The following NAV2 variants were observed in gnomAD, a reference collection of about 807,000 sequenced individuals.
NAV2 encodes neuron navigator 2.
Under a neutral mutation model 223.2 loss-of-function variants are expected in NAV2, and 54 were observed. The observed-to-expected ratio is 0.24, with a 90% CI of 0.19 to 0.30. NAV2 has a LOEUF of 0.30. NAV2 is among the 10% of genes least tolerant of loss of function. NAV2 has a pLI of 1.00. For missense variants in NAV2, 2,806 were observed against 3,147.5 expected (o/e 0.89, Z 2.60); for synonymous variants, 1,279 against 1,239.3 (o/e 1.03, Z -0.67).
chr11:19,847,186 C>T (rs1360806813), intron 3 of NAV2, among the ~76,000 whole-genome samples: 1 of 152,168 alleles, frequency 6.6e-6, no homozygotes, highest in Non-Finnish European at 1.5e-5. Context: ...CCCTGCTTCC[C>T]AATTTGAACT....
intron 22 of NAV2, among the ~76,000 whole-genome samples, chr11:20,074,327 T>C (rs2048085334): frequency 6.6e-6 from 1 of 152,204 alleles, no homozygotes; most frequent in Admixed American, 6.5e-5. Context: ...TTCTTTTGCA[T>C]TTGCTGAGGA....
intron 36 of NAV2, among the ~76,000 whole-genome samples, chr11:20,113,500 T>A (rs1157722032): frequency 2.0e-5 from 3 of 152,214 alleles, no homozygotes; most frequent in Admixed American, 2.0e-4. Flanking sequence ...AGGCATGGTG[T>A]TGATCTTACC....
intron 1 of NAV2, among the ~76,000 whole-genome samples, chr11:19,492,309 G>A (rs900530257): frequency 1.3e-5 from 2 of 151,982 alleles, no homozygotes; most frequent in African/African-American, 4.8e-5. Flanking sequence ...ATACCTGTGA[G>A]GCAAATTAAA....
intron 3 of NAV2, among the ~76,000 whole-genome samples, chr11:19,868,162 G>A (rs922521721): frequency 6.6e-6 from 1 of 152,296 alleles, no homozygotes. Flanking sequence ...AAAGACCTCT[G>A]TGCCAAGTCT....
chr11:19,451,312 G>C (rs1467463543), intron 1 of NAV2, among the ~76,000 whole-genome samples: 1 of 152,062 alleles, frequency 6.6e-6, no homozygotes. Context: ...TATTCCTAGA[G>C]ATTTACTTGT....
chr11:19,815,835 A>G (rs1372985), intron 1 of NAV2, among the ~76,000 whole-genome samples: 81,796 of 151,048 alleles, frequency 0.54, 24,037 homozygotes, highest in Middle Eastern at 0.72. Context: ...TTGTATTTAC[A>G]AAAGAACTTT....
chr11:19,443,291 G>A (rs887170581), intron 1 of NAV2, among the ~76,000 whole-genome samples: 2 of 152,180 alleles, frequency 1.3e-5, no homozygotes, highest in African/African-American at 4.8e-5. Flanking sequence ...TACACTGCAG[G>A]ATATGGTTTC....
intron 3 of NAV2, among the ~76,000 whole-genome samples, chr11:19,844,619 A>G (rs1444054199): frequency 6.6e-6 from 1 of 152,168 alleles, no homozygotes; most frequent in South Asian, 2.1e-4. Flanking sequence ...GGCATATTTT[A>G]GATTTTAGAT....
chr11:19,411,177 G>A (rs560811955), intron 1 of NAV2, among the ~76,000 whole-genome samples: 2 of 152,084 alleles, frequency 1.3e-5, no homozygotes, highest in Admixed American at 6.5e-5. Flanking sequence ...AGAATCTGCC[G>A]CAACAAGGTC....
At chr11:19,718,492 G>T (rs1379360251) in intron 1 of NAV2, among the ~76,000 whole-genome samples, 2 of 147,408 alleles carry the variant, frequency 1.4e-5, no homozygotes, top group African/African-American at 2.4e-5. Flanking sequence ...CATAGAGGAG[G>T]CCCCTGGGAA....
intron 1 of NAV2, among the ~76,000 whole-genome samples, chr11:19,718,757 G>C (rs2050514791): frequency 1.3e-5 from 2 of 151,832 alleles, no homozygotes; most frequent in African/African-American, 2.4e-5. Flanking sequence ...CACTTTAAGG[G>C]TGGTACTGGT....
upstream of NAV2, among the ~76,000 whole-genome samples, chr11:19,709,576 A>G (rs1280063604): frequency 6.6e-6 from 1 of 150,658 alleles, no homozygotes; most frequent in Admixed American, 6.6e-5. Context: ...AAAAGATATA[A>G]AAGGAGATGA....
chr11:19,685,844 G>C (rs567845191), intron 1 of NAV2, among the ~76,000 whole-genome samples: 1 of 152,246 alleles, frequency 6.6e-6, no homozygotes, highest in East Asian at 1.9e-4. Flanking sequence ...GAGGTTTCAG[G>C]AGCCTCCCAC....
intron 1 of NAV2, among the ~76,000 whole-genome samples, chr11:19,492,409 A>G (rs2042660011): frequency 6.6e-6 from 1 of 152,158 alleles, no homozygotes; most frequent in Non-Finnish European, 1.5e-5. Context: ...TGTGTTAAAT[A>G]TCAGCATGTG....
rs61254979 is a variant in NAV2 at position 19,669,626 on chromosome 11, G to A, written c.76-162858G>A. Among the ~76,000 whole-genome samples the A allele has an allele frequency of 4.3e-3, 655 of 152,308 alleles. 7 individuals carry two copies. The highest frequency in any genetic ancestry group is 0.015 in the African/African-American group (624 of 41,570). ...GCTCACAGCTCCCTCTCCTTCCACC[G>A]CCAGTGAGATCCTGCTTGCAATGAA... On this transcript the variant is annotated intron_variant, in intron 1 of 37. Coordinates refer to the NAV2 transcript ENST00000360655.
chr11:19,633,123 C>T (rs973080717), intron 1 of NAV2, among the ~76,000 whole-genome samples: 15 of 152,164 alleles, frequency 9.9e-5, no homozygotes, highest in South Asian at 4.2e-4. Context: ...CAGAAGACAG[C>T]GACCACTGAG....
intron 11 of NAV2, among the ~76,000 whole-genome samples, chr11:19,990,717 C>T (rs2051245783): frequency 6.6e-6 from 1 of 152,190 alleles, no homozygotes; most frequent in South Asian, 2.1e-4. Flanking sequence ...TAGATCTGTG[C>T]TGCCTACTAT....
intron 1 of NAV2, among the ~76,000 whole-genome samples, chr11:19,556,863 T>C (rs1425344079): frequency 6.6e-6 from 1 of 152,216 alleles, no homozygotes; most frequent in African/African-American, 2.4e-5. Flanking sequence ...TGCTGTATTT[T>C]GGTTAGATCA....
intron 1 of NAV2, among the ~76,000 whole-genome samples, chr11:19,748,851 A>C (rs753002038): frequency 7.9e-5 from 12 of 152,234 alleles, no homozygotes; most frequent in African/African-American, 2.2e-4. Context: ...AAAACAGATG[A>C]TGCTGCTGAA....
Sources: gnomAD v4.1 joint callset for allele counts (sites outside exome capture counted in the v4.1 genomes callset) on GRCh38, gnomAD v4.1.1 for gene constraint, MANE v1.5 for transcripts, NCBI Gene and HGNC (gene_info 2026-07-23, HGNC 2026-07-21) for gene names.